ERGIC1: variants seen among roughly 807,000 people sequenced by gnomAD.
ERGIC1 encodes the protein endoplasmic reticulum-golgi intermediate compartment 1, also known as endoplasmic reticulum-Golgi intermediate compartment protein 1.
ERGIC1 carries 19 observed loss-of-function variants against 38.3 expected under a neutral mutation model. The ratio of observed to expected loss-of-function variants is 0.50; its 90% CI spans 0.35 to 0.73. ERGIC1 has a LOEUF of 0.73. Ranked by LOEUF, ERGIC1 falls within the 30% of genes least tolerant of loss-of-function variation. ERGIC1 has a pLI of 0.01. For missense variants in ERGIC1, 294 were observed against 389.2 expected (o/e 0.76, Z 2.06); for synonymous variants, 124 against 157.6 (o/e 0.79, Z 1.60).
intron 7 of ERGIC1, among the ~76,000 whole-genome samples, chr5:172,931,377 GTTCA>G (rs1763772056): frequency 6.6e-6 from 1 of 152,114 alleles, no homozygotes; most frequent in African/African-American, 2.4e-5. Flanking sequence ...CCTTCCATCC[GTTCA>G]TTCATTCAGT....
In ERGIC1 at chr5:172,909,751, G is replaced by T. The variant is rs749555520; in HGVS notation, c.240G>T (p.Leu80=). Residue 80 remains leucine, a synonymous_variant, in exon 4 of 10, where the codon CTG becomes CTT. Coordinates refer to ENST00000393784, the MANE Select transcript of ERGIC1 (RefSeq NM_001031711.3). ...DVSLNISLPN[L]HCELVGLDIQ... is the part of the protein sequence containing the mutation. ...GTCTGAACATCAGTTTACCCAATCT[G>T]CACTGCGAGTGTGAGTACTCCACGC... The T allele has an allele frequency of 3.1e-6, 5 of 1,614,160 alleles. No individual in the cohort carries two copies. Among genetic ancestry groups the T allele is most frequent in the Non-Finnish European group, 3.4e-6 (4 of 1,179,990 alleles).
At position 172,857,171 on chromosome 5, in the gene ERGIC1, ACTT is replaced by A. The variant is rs1265572728; in HGVS notation, c.20+22742_20+22744del. On this transcript the variant is annotated intron_variant, in intron 1 of 9. Transcript: ENST00000393784. Reference sequence around the variant, plus strand: ...GTATCTTAAATTAGGAATAAGGGGAACTTCTTGAAGCCTCAGTTTCCTCATTTG... The same window carrying A: ...GTATCTTAAATTAGGAATAAGGGGAACTTGAAGCCTCAGTTTCCTCATTTG... Among the ~76,000 whole-genome samples, 11 of 152,292 alleles carry A rather than the reference ACTT, an allele frequency of 7.2e-5. No individual in the cohort carries two copies. The East Asian group carries it at 2.1e-3, about 29-fold the overall frequency.
intron 1 of ERGIC1, among the ~76,000 whole-genome samples, chr5:172,872,757 G>T (rs1762047392): frequency 1.3e-5 from 2 of 152,242 alleles, no homozygotes; most frequent in South Asian, 4.1e-4. Flanking sequence ...GGAGCTTGCA[G>T]TGAGCCAGGA....
intron 6 of ERGIC1, among the ~76,000 whole-genome samples, chr5:172,925,983 C>A (rs919277474): frequency 6.6e-6 from 1 of 152,180 alleles, no homozygotes; most frequent in African/African-American, 2.4e-5. Context: ...CTGCAGCAGA[C>A]ATGATGGGGG....
intron 1 of ERGIC1, among the ~76,000 whole-genome samples, chr5:172,845,053 A>G (rs775859753): frequency 6.6e-6 from 1 of 152,096 alleles, no homozygotes; most frequent in African/African-American, 2.4e-5. Flanking sequence ...TAGGGGGGAC[A>G]GGACTTGGCC....
intron 1 of ERGIC1, among the ~76,000 whole-genome samples, chr5:172,877,442 A>G (rs774732488): frequency 0.054 from 5,037 of 93,822 alleles, 127 homozygotes; most frequent in African/African-American, 0.11. Flanking sequence ...GTGTGTGTGT[A>G]TATATATATA....
At chr5:172,889,391 A>C (rs1225567568) in intron 2 of ERGIC1, among the ~76,000 whole-genome samples, 1 of 151,896 alleles carries the variant, frequency 6.6e-6, no homozygotes, top group Non-Finnish European at 1.5e-5. Flanking sequence ...CCACCAAAGC[A>C]TGTTTTTATC....
At position 172,947,566 on chromosome 5, in the gene ERGIC1, G is replaced by A. The variant is rs147188023; in HGVS notation, c.766-3143G>A. ...TGAACAGTGACCAGCCCCTTCAACA[G>A]ATGCGGGGTGATGGGGGCACGTTGA... On this transcript the variant is annotated intron_variant, in intron 9 of 9. Transcript: ENST00000393784. Among the ~76,000 whole-genome samples the A allele has an allele frequency of 7.1e-3, 1,078 of 152,334 alleles. 7 individuals carry two copies. Among genetic ancestry groups the A allele is most frequent in the African/African-American group, 0.024 (1,004 of 41,576 alleles).
intron 1 of ERGIC1, among the ~76,000 whole-genome samples, chr5:172,845,326 C>T (rs1056568164): frequency 6.6e-6 from 1 of 152,184 alleles, no homozygotes; most frequent in South Asian, 2.1e-4. Context: ...TCCTACCAGC[C>T]TGTGCATCTG....
At chr5:172,873,975 C>T (rs974041684) in intron 1 of ERGIC1, among the ~76,000 whole-genome samples, 3 of 152,218 alleles carry the variant, frequency 2.0e-5, no homozygotes, top group Non-Finnish European at 4.4e-5. Flanking sequence ...AATTCTAGCA[C>T]GCATGGGCAT....
At chr5:172,905,510 C>T (rs1328955189) in intron 3 of ERGIC1, 6 of 453,902 alleles carry the variant, frequency 1.3e-5, no homozygotes, top group Non-Finnish European at 2.2e-5. Flanking sequence ...CCGTGGGTCA[C>T]GGAAGAGAAC....
rs1391188088 is a variant in ERGIC1 at position 172,932,516 on chromosome 5, C to G, written c.622C>G (p.Gln208Glu). 2 of 1,614,134 alleles carry G rather than the reference C, an allele frequency of 1.2e-6. No individual in the cohort carries two copies. Among genetic ancestry groups the G allele is most frequent in the Non-Finnish European group, 1.7e-6 (2 of 1,180,014 alleles). The change falls in exon 8 of 10, where the codon CAG becomes GAG. Residue 208 changes from glutamine (Q) to glutamate (E), a missense_variant. This residue lies in a region of ERGIC1 where 109 missense variants were observed against 112.7 expected (regional missense o/e 0.97). Coordinates refer to ENST00000393784, the MANE Select transcript of ERGIC1 (RefSeq NM_001031711.3). ...DKSGKQRYSYQYTVANKEYVA... is the reference protein window; with the variant it reads ...DKSGKQRYSYEYTVANKEYVA... The stretch of plus-strand genomic sequence containing the variant: ...GAGTGGCAAGCAGCGGTACTCCTAC[C>G]AGTACACGGTGGCCAACAAGGTGCG...
chr5:172,888,949 A>G (rs540262447), intron 2 of ERGIC1, among the ~76,000 whole-genome samples, 189 bp downstream of exon 2: 3 of 152,196 alleles, frequency 2.0e-5, no homozygotes, highest in Non-Finnish European at 4.4e-5. Context: ...TAACCCCTCA[A>G]GGCACAGGCA....
chr5:172,907,437 A>G lies in ERGIC1; in HGVS notation c.156-2230A>G, dbSNP rs140311010. On this transcript the variant is annotated intron_variant, in intron 3 of 9. Coordinates refer to ENST00000393784, the MANE Select transcript of ERGIC1 (RefSeq NM_001031711.3). Reference sequence around the variant, plus strand: ...GCCAGGCATGGTGGCGCATGCCAGTAGTCCCAGCTACTTGGGAGGCTGAGG... The same window carrying G: ...GCCAGGCATGGTGGCGCATGCCAGTGGTCCCAGCTACTTGGGAGGCTGAGG... Among the ~76,000 whole-genome samples, 697 of 152,296 alleles carry G rather than the reference A, an allele frequency of 4.6e-3. 2 individuals carry two copies. Among genetic ancestry groups the G allele is most frequent in the African/African-American group, 0.016 (664 of 41,578 alleles).
At chr5:172,854,444 G>GA (rs1277267019) in intron 1 of ERGIC1, among the ~76,000 whole-genome samples, 1 of 152,160 alleles carries the variant, frequency 6.6e-6, no homozygotes, top group East Asian at 1.9e-4. Context: ...ACATTGATGA[G>GA]AAAAAAAAGT....
Position 172,914,805 on chromosome 5 carries a change from CTGCCGCT to C in ERGIC1, c.344_350del (p.Cys115SerfsTer30), listed in dbSNP as rs1763316425. 1 of 1,614,114 alleles carries C rather than the reference CTGCCGCT, an allele frequency of 6.2e-7. No homozygotes were observed. The highest frequency in any genetic ancestry group is 8.5e-7 in the Non-Finnish European group (1 of 1,180,054). The stretch of plus-strand genomic sequence containing the variant: ...AGATCCCGCTGAACAATGGGGCAGG[CTGCCGCT>C]TCGAGGGGCAGTTCAGCATCAACAA... On this transcript the variant is annotated frameshift_variant, in exon 5 of 10. Transcript: ENST00000393784. LOFTEE classifies it high-confidence loss of function.
chr5:172,894,583 G>A (rs10061664), intron 2 of ERGIC1, among the ~76,000 whole-genome samples: 1 of 152,126 alleles, frequency 6.6e-6, no homozygotes, highest in Non-Finnish European at 1.5e-5. Flanking sequence ...GCAGTCTGGG[G>A]ACATCCTGCC....
chr5:172,877,410 A>ATGTGTGTGTGTGTGTGTGTGTG (rs34909688), intron 1 of ERGIC1, among the ~76,000 whole-genome samples: 2 of 102,316 alleles, frequency 2.0e-5, no homozygotes, highest in African/African-American at 7.6e-5. Context: ...TATTATATAT[A>ATGTGTGTGTGTGTGTGTGTGTG]TGTGTGTGTG....
intron 1 of ERGIC1, among the ~76,000 whole-genome samples, chr5:172,868,038 A>G (rs1049496024): frequency 6.6e-5 from 10 of 152,208 alleles, no homozygotes; most frequent in African/African-American, 2.4e-4. Flanking sequence ...GCTGCTCTGC[A>G]GAAGAGAGAA....
Sources: gnomAD v4.1 joint callset for allele counts (sites outside exome capture counted in the v4.1 genomes callset) on GRCh38, gnomAD v4.1.1 for gene constraint, gnomAD v4.1.1 regional missense constraint, MANE v1.5 for transcripts, NCBI Gene and HGNC (gene_info 2026-07-23, HGNC 2026-07-21) for gene names.